Variants in ASTN2 observed in about 807,000 individuals in gnomAD.
ASTN2 encodes the protein astrotactin-2.
ASTN2 carries 54 observed loss-of-function variants against 139.8 expected under a neutral mutation model. The observed-to-expected ratio is 0.39, with a 90% CI of 0.31 to 0.48. The LOEUF (loss-of-function observed/expected upper bound fraction) is 0.48, where lower values mean the gene tolerates loss of function less well. Ranked by LOEUF, ASTN2 falls within the 20% of genes least tolerant of loss-of-function variation. The probability of loss-of-function intolerance (pLI) is 0.95; values close to 1 mark genes in which losing one functional copy is unlikely to be tolerated. For synonymous variants in ASTN2, 756 were observed against 719.5 expected, an observed-to-expected ratio of 1.05 and a Z score of -0.81; for missense variants, 1,565 against 1,725.1, an observed-to-expected ratio of 0.91 and a Z score of 1.64.
intron 19 of ASTN2, among the ~76,000 whole-genome samples, chr9:116,564,625 C>A (rs1261138675): frequency 1.3e-5 from 2 of 152,186 alleles, no homozygotes; most frequent in African/African-American, 4.8e-5. Context: ...TGGGGTCATT[C>A]AGAAATCCTT....
intron 17 of ASTN2, among the ~76,000 whole-genome samples, chr9:116,643,207 T>C (rs1161624663): frequency 1.3e-5 from 2 of 152,118 alleles, no homozygotes; most frequent in Non-Finnish European, 2.9e-5. Context: ...CACTCGATAA[T>C]TGTTAGGTTT....
At chr9:116,728,903 G>T in intron 15 of ASTN2, 89 bp downstream of exon 15, 1 of 1,042,612 alleles carries the variant, frequency 9.6e-7, no homozygotes, top group South Asian at 1.5e-5. Flanking sequence ...CATCCCCAGT[G>T]CTCTCATATG....
At chr9:116,848,284 A>G (rs909837368) in intron 11 of ASTN2, among the ~76,000 whole-genome samples, 10 of 152,146 alleles carry the variant, frequency 6.6e-5, no homozygotes, top group Non-Finnish European at 1.2e-4. Flanking sequence ...CTCATGTCCT[A>G]TTACTTCTCT....
At chr9:117,071,816 C>G (rs1291364899) in intron 5 of ASTN2, among the ~76,000 whole-genome samples, 1 of 152,172 alleles carries the variant, frequency 6.6e-6, no homozygotes, top group Non-Finnish European at 1.5e-5. Context: ...GGAAAGGGAA[C>G]TCCCTGACCC....
Position 117,210,254 on chromosome 9 carries a change from A to C in ASTN2, c.1015+4104T>G, listed in dbSNP as rs542620964. Among the ~76,000 whole-genome samples, 20 of 152,270 alleles carry C rather than the reference A, an allele frequency of 1.3e-4. No homozygotes were observed. In the South Asian group the frequency reaches 3.7e-3, roughly 28 times the overall value. Reference sequence around the variant, plus strand: ...AAGGAACAAAAGATCAATAAAACACAAAGTTGTTTTTTAAAAGATAAACAA... The same window carrying C: ...AAGGAACAAAAGATCAATAAAACACCAAGTTGTTTTTTAAAAGATAAACAA... On this transcript the variant is annotated intron_variant, in intron 3 of 22. Coordinates refer to ENST00000313400, the MANE Select transcript of ASTN2 (RefSeq NM_001365068.1).
intron 17 of ASTN2, among the ~76,000 whole-genome samples, chr9:116,632,674 C>G (rs1292204243): frequency 6.6e-6 from 1 of 152,138 alleles, no homozygotes; most frequent in Non-Finnish European, 1.5e-5. Flanking sequence ...CATGGGTTCC[C>G]CCAGCCTATA....
At chr9:116,720,628 C>G in intron 16 of ASTN2, among the ~76,000 whole-genome samples, 1 of 150,624 alleles carries the variant, frequency 6.6e-6, no homozygotes, top group East Asian at 1.9e-4. Flanking sequence ...CCCTCCCTCT[C>G]TCTCACACAC....
At chr9:117,328,319 C>G (rs1362119245) in intron 1 of ASTN2, among the ~76,000 whole-genome samples, 1 of 152,006 alleles carries the variant, frequency 6.6e-6, no homozygotes, top group Non-Finnish European at 1.5e-5. Context: ...ATAGAATGTG[C>G]AGAATCTCTC....
chr9:116,841,067 T>C (rs1417097343), intron 11 of ASTN2, among the ~76,000 whole-genome samples: 1 of 152,150 alleles, frequency 6.6e-6, no homozygotes, highest in East Asian at 1.9e-4. Context: ...ATCACGCCAC[T>C]GCACTCCAGC....
chr9:116,699,479 T>C lies in ASTN2; in HGVS notation c.2806+26292A>G, dbSNP rs1588218802. On this transcript the variant is annotated intron_variant, in intron 16 of 22. Transcript: ENST00000313400. The surrounding 1 kb of genome is among the most constrained non-coding windows in gnomAD (Gnocchi z 4.2). Reference sequence around the variant, plus strand: ...AGAATGAGGATTTCCGCTGCATTGCTGGCATGTGTGTGGATGCTCGTGGTG... The same window carrying C: ...AGAATGAGGATTTCCGCTGCATTGCCGGCATGTGTGTGGATGCTCGTGGTG... The C allele has an allele frequency of 6.2e-7, 1 of 1,614,212 alleles. No homozygotes were observed. Among genetic ancestry groups the C allele is most frequent in the Non-Finnish European group, 8.5e-7 (1 of 1,180,032 alleles).
chr9:117,322,211 C>G (rs1321825878), intron 1 of ASTN2, among the ~76,000 whole-genome samples: 1 of 152,128 alleles, frequency 6.6e-6, no homozygotes. Flanking sequence ...TTGTACTCCC[C>G]CTTATCACAT....
intron 20 of ASTN2, among the ~76,000 whole-genome samples, chr9:116,472,417 G>C (rs372159502): frequency 1.3e-5 from 2 of 152,078 alleles, no homozygotes; most frequent in African/African-American, 4.8e-5. Flanking sequence ...CTCAGAACTC[G>C]CATGCCTTTA....
chr9:117,059,339 C>T (rs151323364), intron 5 of ASTN2, among the ~76,000 whole-genome samples: 1,534 of 152,222 alleles, frequency 0.01, 6 homozygotes, highest in Middle Eastern at 0.038. Context: ...ATAGGCCAGG[C>T]GTGGTGGCTC....
intron 19 of ASTN2, among the ~76,000 whole-genome samples, chr9:116,533,398 T>C (rs1366758987): frequency 6.6e-6 from 1 of 152,200 alleles, no homozygotes; most frequent in South Asian, 2.1e-4. Flanking sequence ...CAACGCTATG[T>C]TGAATAGGAG....
intron 7 of ASTN2, among the ~76,000 whole-genome samples, chr9:117,001,231 C>T (rs1837182972): frequency 6.6e-6 from 1 of 152,174 alleles, no homozygotes; most frequent in African/African-American, 2.4e-5. Flanking sequence ...ATGACTCTGT[C>T]CAGCTCTACA....
chr9:117,286,954 A>C (rs1834464717), intron 2 of ASTN2, among the ~76,000 whole-genome samples: 1 of 152,258 alleles, frequency 6.6e-6, no homozygotes, highest in Non-Finnish European at 1.5e-5. Flanking sequence ...GACCAGAGTT[A>C]GAATCTCAAC....
Position 116,484,859 on chromosome 9 carries a change from T to C in ASTN2, c.3497+2500A>G, listed in dbSNP as rs148003731. On this transcript the variant is annotated intron_variant, in intron 20 of 22. Transcript: ENST00000313400. ...AAGTGTTCATCACTTTTAAAGAATG[T>C]CAGCTGATTTGTCAGCTCTCAGTGT... is the stretch of plus-strand genomic sequence containing the variant. Among the ~76,000 whole-genome samples, 3 of 152,292 alleles carry C rather than the reference T, an allele frequency of 2.0e-5. No individual in the cohort carries two copies. In the East Asian group the frequency reaches 5.8e-4, roughly 29 times the overall value.
At chr9:116,505,852 C>A (rs1163889281) in intron 19 of ASTN2, among the ~76,000 whole-genome samples, 1 of 152,144 alleles carries the variant, frequency 6.6e-6, no homozygotes. Context: ...GCTATTGCTA[C>A]ATCCTCAGTC....
intron 22 of ASTN2, 55 bp from the exon 23 acceptor site, chr9:116,426,143 C>A (rs1847303782): frequency 1.7e-5 from 27 of 1,589,378 alleles, no homozygotes; most frequent in Non-Finnish European, 2.3e-5. Flanking sequence ...AAGAGTTAGA[C>A]CTTTGAGGTA....
Sources: gnomAD v4.1 joint callset for allele counts (sites outside exome capture counted in the v4.1 genomes callset) on GRCh38, gnomAD v4.1.1 for gene constraint, Gnocchi (gnomAD v3.1) non-coding constraint, MANE v1.5 for transcripts, NCBI Gene and HGNC (gene_info 2026-07-23, HGNC 2026-07-21) for gene names.